DHX32: variants seen among roughly 807,000 people sequenced by gnomAD.
DHX32 encodes putative pre-mRNA-splicing factor ATP-dependent RNA helicase DHX32.
DHX32 carries 51 observed loss-of-function variants against 70.0 expected under a neutral mutation model. The observed-to-expected ratio is 0.73, with a 90% CI of 0.58 to 0.92. DHX32 has a LOEUF of 0.92. Among genes scored for constraint, DHX32 ranks in the 40% least tolerant of loss-of-function variants. DHX32 has a pLI of 0.00. For synonymous variants in DHX32, 310 were observed against 315.3 expected (o/e 0.98, Z 0.18); for missense variants, 762 against 891.8 (o/e 0.85, Z 1.85).
At chr10:125,887,132 G>A (rs928425444) in intron 1 of DHX32, among the ~76,000 whole-genome samples, 2 of 152,056 alleles carry the variant, frequency 1.3e-5, no homozygotes, top group African/African-American at 2.4e-5. Flanking sequence ...TTTTACCATC[G>A]ATATCATTCA....
At chr10:125,870,497 T>G (rs1345384441) in intron 1 of DHX32, among the ~76,000 whole-genome samples, 5 of 152,098 alleles carry the variant, frequency 3.3e-5, no homozygotes, top group Non-Finnish European at 5.9e-5. Flanking sequence ...TATAGAAAGG[T>G]GGCAACTGAA....
intron 1 of DHX32, among the ~76,000 whole-genome samples, chr10:125,868,167 CCTTTT>C (rs996674599): frequency 3.3e-5 from 5 of 152,098 alleles, no homozygotes; most frequent in African/African-American, 1.2e-4. Context: ...TTTTAAAAAT[CCTTTT>C]TTTTCTAAAA....
intron 6 of DHX32, among the ~76,000 whole-genome samples, chr10:125,848,543 A>G (rs1944052739): frequency 6.6e-6 from 1 of 152,192 alleles, no homozygotes; most frequent in Non-Finnish European, 1.5e-5. Context: ...TGAACCTGGC[A>G]CCTGGCATGC....
chr10:125,855,938 G>C (rs1944143951), intron 3 of DHX32, among the ~76,000 whole-genome samples: 1 of 152,092 alleles, frequency 6.6e-6, no homozygotes, highest in African/African-American at 2.4e-5. Context: ...TTCTAATGTT[G>C]AATTTTGTTC....
intron 6 of DHX32, among the ~76,000 whole-genome samples, chr10:125,852,012 C>G (rs1033344990): frequency 6.6e-6 from 1 of 151,862 alleles, no homozygotes; most frequent in African/African-American, 2.4e-5. Context: ...CGCTTCCATA[C>G]TCCACATTAC....
chr10:125,887,791 C>T (rs1944348215), intron 1 of DHX32, among the ~76,000 whole-genome samples: 1 of 151,894 alleles, frequency 6.6e-6, no homozygotes, highest in Admixed American at 6.6e-5. Context: ...TTTAATATTA[C>T]CTATAATCTT....
chr10:125,857,285 A>G (rs1450438605), intron 3 of DHX32, among the ~76,000 whole-genome samples: 1 of 152,222 alleles, frequency 6.6e-6, no homozygotes, highest in African/African-American at 2.4e-5. Context: ...AAAACCAGAT[A>G]ACACCTGTGG....
chr10:125,885,634 T>C (rs1352064977), upstream of DHX32, among the ~76,000 whole-genome samples: 1 of 152,210 alleles, frequency 6.6e-6, no homozygotes. Flanking sequence ...GGCACCTTGA[T>C]TGTAGTCCAG....
intron 1 of DHX32, among the ~76,000 whole-genome samples, chr10:125,868,652 G>A (rs1033847449): frequency 1.3e-5 from 2 of 152,126 alleles, no homozygotes; most frequent in Admixed American, 1.3e-4. Context: ...AAGATACTGC[G>A]CTCAGGAAAC....
At chr10:125,872,312 T>C (rs1434407313) in intron 1 of DHX32, among the ~76,000 whole-genome samples, 1 of 152,220 alleles carries the variant, frequency 6.6e-6, no homozygotes, top group African/African-American at 2.4e-5. Context: ...AAAAACATTA[T>C]TCTGGATGGA....
chr10:125,890,101 T>C (rs1411357578), intron 1 of DHX32, among the ~76,000 whole-genome samples: 1 of 152,294 alleles, frequency 6.6e-6, no homozygotes, highest in East Asian at 1.9e-4. Flanking sequence ...GTTGCATCAC[T>C]GGGGGTTGAA....
chr10:125,849,600 C>T (rs544383581), intron 6 of DHX32, among the ~76,000 whole-genome samples: 37 of 151,578 alleles, frequency 2.4e-4, no homozygotes, highest in African/African-American at 8.6e-4. Flanking sequence ...AATATTTGCT[C>T]GACTCTCTGG....
chr10:125,871,122 T>C lies in DHX32; in HGVS notation c.283-3939A>G, dbSNP rs990157995. ...GGCCTTTTTTAAAAACTGCATTTAATTTATTTCTCTTTGCTCATGAAACAC... is the reference window on the plus strand; with the variant it reads ...GGCCTTTTTTAAAAACTGCATTTAACTTATTTCTCTTTGCTCATGAAACAC... On this transcript the variant is annotated intron_variant, in intron 1 of 10. Coordinates refer to ENST00000284690, the MANE Select transcript of DHX32 (RefSeq NM_018180.3). Among the ~76,000 whole-genome samples, 7 of 152,236 alleles carry C rather than the reference T, an allele frequency of 4.6e-5. No homozygotes were observed. In the East Asian group the frequency reaches 1.3e-3, roughly 29 times the overall value.
chr10:125,872,794 G>A (rs932989349), intron 1 of DHX32, among the ~76,000 whole-genome samples: 2 of 152,208 alleles, frequency 1.3e-5, no homozygotes, highest in African/African-American at 4.8e-5. Flanking sequence ...ATCGAGGCAT[G>A]AGAATGTGCA....
Position 125,840,942 on chromosome 10 carries a change from C to A in DHX32, c.1598G>T (p.Cys533Phe). ...TTCGGGATGTAAAAATGTCTTCCAACAAGTCAAGGCAGCCTCTTCAGCTCC... is the reference window on the plus strand; with the variant it reads ...TTCGGGATGTAAAAATGTCTTCCAAAAAGTCAAGGCAGCCTCTTCAGCTCC... The part of the protein sequence containing the change: ...PHGAEEAALT[C>F]WKTFLHPEGD... Residue 533 changes from cysteine to phenylalanine, a missense_variant, in exon 8 of 11, where the codon TGT becomes TTT. By Grantham distance (205) the Cys-to-Phe change is radical. This residue lies in a region of DHX32 where 366 missense variants were observed against 402.6 expected (regional missense o/e 0.91). Transcript: ENST00000284690. 6.2e-7 allele frequency: 1 copy of A among 1,612,208 alleles called. No individual in the cohort carries two copies. Among genetic ancestry groups the A allele is most frequent in the Non-Finnish European group, 8.5e-7 (1 of 1,178,380 alleles).
At chr10:125,836,901 G>A in intron 10 of DHX32, 46 bp from the exon 11 acceptor site, 1 of 1,559,472 alleles carries the variant, frequency 6.4e-7, no homozygotes, top group Non-Finnish European at 8.8e-7. Context: ...GGGGAAGGTG[G>A]TGAGAGACAC....
intron 6 of DHX32, among the ~76,000 whole-genome samples, chr10:125,845,895 C>T (rs1944010310): frequency 6.6e-6 from 1 of 152,204 alleles, no homozygotes; most frequent in South Asian, 2.1e-4. Context: ...CAGCTCTGCT[C>T]CTGCCCGTGA....
chr10:125,853,174 A>G (rs767695769), intron 4 of DHX32: 37 of 1,613,310 alleles, frequency 2.3e-5, no homozygotes, highest in Middle Eastern at 1.6e-4. Flanking sequence ...AGGCTGGACT[A>G]ATTCAATCAA....
chr10:125,867,185 T>C lies in DHX32; in HGVS notation c.283-2A>G. ...ATATTCAGCACACCACTGAGGAACC[T>C]GTAGCAGGAAAAAATGAGACAGGAT... On this transcript the variant is annotated splice_acceptor_variant, in intron 1 of 10. Transcript: ENST00000284690. LOFTEE classifies it high-confidence loss of function. 6.3e-7 allele frequency: 1 copy of C among 1,592,650 alleles called. No individual in the cohort carries two copies. The highest frequency in any genetic ancestry group is 8.6e-7 in the Non-Finnish European group (1 of 1,167,636).
Sources: gnomAD v4.1 joint callset for allele counts (sites outside exome capture counted in the v4.1 genomes callset) on GRCh38, gnomAD v4.1.1 for gene constraint, gnomAD v4.1.1 regional missense constraint, MANE v1.5 for transcripts, NCBI Gene and HGNC (gene_info 2026-07-23, HGNC 2026-07-21) for gene names.